CADM1: variants seen among roughly 807,000 people sequenced by gnomAD.
CADM1 encodes the protein cell adhesion molecule 1.
Under a neutral mutation model 53.1 loss-of-function variants are expected in CADM1, and 15 were observed. The ratio of observed to expected loss-of-function variants is 0.28; its 90% confidence interval spans 0.19 to 0.44. CADM1 has a LOEUF of 0.44. Ranked by LOEUF, CADM1 falls within the 20% of genes least tolerant of loss-of-function variation. CADM1 has a pLI of 1.00. For missense variants in CADM1, 434 were observed against 611.3 expected, an observed-to-expected ratio of 0.71 and a Z score of 3.06; for synonymous variants, 281 against 243.0, an observed-to-expected ratio of 1.16 and a Z score of -1.45.
At chr11:115,257,502 T>C (rs1193191582) in intron 1 of CADM1, among the ~76,000 whole-genome samples, 1 of 152,226 alleles carries the variant, frequency 6.6e-6, no homozygotes, top group East Asian at 1.9e-4. Context: ...CCTTAACCTT[T>C]AGAATGCTGG....
chr11:115,489,522 A>C (rs1949446491), intron 1 of CADM1, among the ~76,000 whole-genome samples: 1 of 152,240 alleles, frequency 6.6e-6, no homozygotes, highest in African/African-American at 2.4e-5. Flanking sequence ...AGAAGTTGAA[A>C]GGAAAACATA....
At position 115,504,407 on chromosome 11, in the gene CADM1, C is replaced by T. The variant is rs1163352563; in HGVS notation, c.-13G>A. ...CTACACTCGCCATGTCGGGCACCTGCCTCAGACTGGCGGCGTTGGCTGCCT... is the reference window on the plus strand; with the variant it reads ...CTACACTCGCCATGTCGGGCACCTGTCTCAGACTGGCGGCGTTGGCTGCCT... On this transcript the variant is annotated 5_prime_UTR_variant, in exon 1 of 12. Transcript: ENST00000331581. 1 of 1,543,860 alleles carries T rather than the reference C, an allele frequency of 6.5e-7. No homozygotes were observed. The highest frequency in any genetic ancestry group is 1.2e-5 in the South Asian group (1 of 83,926).
At chr11:115,277,908 A>G (rs943630464) in intron 1 of CADM1, among the ~76,000 whole-genome samples, 9 of 152,222 alleles carry the variant, frequency 5.9e-5, no homozygotes, top group Non-Finnish European at 1.3e-4. Context: ...TCCTTTCTCT[A>G]CTGCTTGCCA....
Position 115,306,072 on chromosome 11 carries a change from C to CACACACACACACACA in CADM1, c.125-65653_125-65652insTGTGTGTGTGTGTGT, listed in dbSNP as rs1555060496. Among the ~76,000 whole-genome samples, 545 of 130,432 alleles carry CACACACACACACACA rather than the reference C, an allele frequency of 4.2e-3. 13 individuals carry two copies. Among genetic ancestry groups the CACACACACACACACA allele is most frequent in the South Asian group, 0.012 (44 of 3,762 alleles). The allele number at this position is 130,432 out of a possible 152,430, so 85.6% of individuals were successfully genotyped here. A position where few individuals can be genotyped will look rare whatever the true frequency, so the allele number is the denominator to read the frequency against. ...AAGGGATATTTGCAGAGGATATATA[C>CACACACACACACACA]CACACACACACACACACACACACAC... On this transcript the variant is annotated intron_variant, in intron 1 of 11. Coordinates refer to ENST00000331581, the MANE Select transcript of CADM1 (RefSeq NM_001301043.2).
At chr11:115,375,779 T>C (rs376227306) in intron 1 of CADM1, among the ~76,000 whole-genome samples, 6 of 152,102 alleles carry the variant, frequency 3.9e-5, no homozygotes, top group Non-Finnish European at 5.9e-5. Context: ...GAAATACTTA[T>C]GAAATATCTA....
chr11:115,479,931 A>G (rs1190697367), intron 1 of CADM1, among the ~76,000 whole-genome samples: 1 of 152,220 alleles, frequency 6.6e-6, no homozygotes, highest in Admixed American at 6.5e-5. Flanking sequence ...TCAACAGACA[A>G]CAGGAGAGAT....
At chr11:115,347,255 C>CG (rs889399588) in intron 1 of CADM1, among the ~76,000 whole-genome samples, 13 of 152,036 alleles carry the variant, frequency 8.6e-5, no homozygotes, top group African/African-American at 3.1e-4. Flanking sequence ...ACTAGCCCCC[C>CG]CAACTGCTTC....
intron 1 of CADM1, among the ~76,000 whole-genome samples, chr11:115,352,427 T>C (rs1945761093): frequency 6.6e-6 from 1 of 152,216 alleles, no homozygotes; most frequent in Non-Finnish European, 1.5e-5. Context: ...AATAGTCTTC[T>C]AAAACAATCT....
intron 1 of CADM1, among the ~76,000 whole-genome samples, chr11:115,293,154 G>A (rs960650028): frequency 5.9e-5 from 9 of 152,128 alleles, no homozygotes; most frequent in African/African-American, 1.2e-4. Context: ...ATCCAGGGCC[G>A]GGTGACGGTG....
At chr11:115,462,046 A>C (rs1306052902) in intron 1 of CADM1, among the ~76,000 whole-genome samples, 1 of 152,198 alleles carries the variant, frequency 6.6e-6, no homozygotes, top group Admixed American at 6.5e-5. Flanking sequence ...AAAAAGAGCT[A>C]GCCCAAGTGC....
intron 1 of CADM1, among the ~76,000 whole-genome samples, chr11:115,315,062 A>G (rs912246902): frequency 3.3e-5 from 5 of 152,156 alleles, no homozygotes; most frequent in Admixed American, 2.6e-4. Flanking sequence ...TGCTAGGCAT[A>G]TGCAAGAGAA....
At chr11:115,285,798 GCT>G (rs1449595787) in intron 1 of CADM1, among the ~76,000 whole-genome samples, 3 of 152,118 alleles carry the variant, frequency 2.0e-5, no homozygotes, top group Non-Finnish European at 4.4e-5. Context: ...AGCCACTGTA[GCT>G]CTCTCATCAT....
chr11:115,420,252 C>T (rs1238715872), intron 1 of CADM1, among the ~76,000 whole-genome samples: 1 of 152,176 alleles, frequency 6.6e-6, no homozygotes, highest in Admixed American at 6.5e-5. Context: ...CACAGGAGAT[C>T]ACCACACAAG....
rs1938912869 is a variant in CADM1, at chr11:115,174,269, T to TC, written c.*2204_*2205insG. ...CAATTCTGTGAGCAATGGTGTGATT[T>TC]TTTTTTTTTGTTTTTGTTTTTGTTT... On this transcript the variant is annotated 3_prime_UTR_variant, in exon 12 of 12. Coordinates refer to ENST00000331581, the MANE Select transcript of CADM1 (RefSeq NM_001301043.2). 3.9e-5 allele frequency: 22 copies of TC among 560,072 alleles called. No individual in the cohort carries two copies. The highest frequency in any genetic ancestry group is 4.8e-5 in the Non-Finnish European group (22 of 454,768). 34.7% of individuals were successfully genotyped at this position (560,072 alleles called of 1,614,324 possible).
Position 115,404,327 on chromosome 11 carries a change from G to GAAAAAAAA in CADM1, c.124+99936_124+99943dup, listed in dbSNP as rs1216372271. Among the ~76,000 whole-genome samples, 27 of 5,818 alleles carry GAAAAAAAA rather than the reference G, an allele frequency of 4.6e-3. 5 individuals carry two copies. The highest frequency in any genetic ancestry group is 0.024 in the East Asian group (4 of 164). The allele number at this position is 5,818 out of a possible 152,430, so 3.8% of individuals were successfully genotyped here. ...GGCGACAGAGCAAGAATCTGTCTCG[G>GAAAAAAAA]AAAAAAAAAAAAAAAAAAAATATAT... On this transcript the variant is annotated intron_variant, in intron 1 of 11. Transcript: ENST00000331581.
intron 2 of CADM1, among the ~76,000 whole-genome samples, chr11:115,238,857 T>C (rs541305630): frequency 7.2e-5 from 11 of 151,936 alleles, no homozygotes; most frequent in African/African-American, 2.7e-4. Context: ...TATGTGTGCG[T>C]GTGCATATAT....
intron 1 of CADM1, among the ~76,000 whole-genome samples, chr11:115,346,442 G>T (rs1460622078): frequency 6.6e-6 from 1 of 151,952 alleles, no homozygotes; most frequent in Non-Finnish European, 1.5e-5. Context: ...TATGTTCCCC[G>T]GGCTGATCTT....
chr11:115,319,287 C>T (rs1944758960), intron 1 of CADM1, among the ~76,000 whole-genome samples: 1 of 152,082 alleles, frequency 6.6e-6, no homozygotes, highest in African/African-American at 2.4e-5. Context: ...TCTTCTTTGT[C>T]TTTCCTGCTG....
chr11:115,236,654 T>A (rs1360481201), intron 3 of CADM1, among the ~76,000 whole-genome samples: 1 of 151,948 alleles, frequency 6.6e-6, no homozygotes, highest in Non-Finnish European at 1.5e-5. Flanking sequence ...TGAGAATAAA[T>A]GTATCAGGCA....
Sources: allele counts gnomAD v4.1 joint callset (sites outside exome capture counted in the v4.1 genomes callset), GRCh38; gene constraint gnomAD v4.1.1; transcripts MANE v1.5; gene names NCBI Gene and HGNC (gene_info 2026-07-23, HGNC 2026-07-21).